Variants in RNF17 observed in about 807,000 individuals in gnomAD.
RNF17 encodes the protein ring finger protein 17.
Under a neutral mutation model 200.5 loss-of-function variants are expected in RNF17, and 31 were observed. The ratio of observed to expected loss-of-function variants is 0.15; its 90% CI spans 0.12 to 0.21. The LOEUF is 0.21. RNF17 is among the 10% of genes least tolerant of loss of function. The pLI, the probability that RNF17 is intolerant of heterozygous loss-of-function variation, is 1.00. For synonymous variants in RNF17, 606 were observed against 637.8 expected, an observed-to-expected ratio of 0.95 and a Z score of 0.75; for missense variants, 1,628 against 1,905.1, an observed-to-expected ratio of 0.85 and a Z score of 2.71.
chr13:24,873,327 A>G (rs887824061), intron 32 of RNF17, among the ~76,000 whole-genome samples: 1 of 152,246 alleles, frequency 6.6e-6, no homozygotes, highest in Non-Finnish European at 1.5e-5. Flanking sequence ...CTTATAAAAT[A>G]TGAACAGAAA....
At chr13:24,845,892 A>G (rs1212597914) in intron 22 of RNF17, among the ~76,000 whole-genome samples, 1 of 152,172 alleles carries the variant, frequency 6.6e-6, no homozygotes, top group East Asian at 1.9e-4. Flanking sequence ...CAATTTGAGC[A>G]AGACAGGCAG....
At chr13:24,881,885 TATAG>T (rs1414091707), downstream of RNF17, among the ~76,000 whole-genome samples, 16 of 133,748 alleles carry the variant, frequency 1.2e-4, no homozygotes, top group African/African-American at 4.1e-4. Flanking sequence ...TATATAGATA[TATAG>T]ATACATCTAT....
At chr13:24,768,452 T>C (rs1185962323) in intron 2 of RNF17, among the ~76,000 whole-genome samples, 1 of 151,938 alleles carries the variant, frequency 6.6e-6, no homozygotes, top group Non-Finnish European at 1.5e-5. Flanking sequence ...GCCCGACTAA[T>C]TTTTTGTATT....
chr13:24,845,751 C>T (rs764417860), intron 22 of RNF17, among the ~76,000 whole-genome samples: 12 of 152,112 alleles, frequency 7.9e-5, no homozygotes, highest in Non-Finnish European at 1.8e-4. Context: ...TATATGAATG[C>T]AAGAAAGAGA....
At position 24,789,761 on chromosome 13, in the gene RNF17, G is replaced by A. The variant is rs1432322995; in HGVS notation, c.924G>A (p.Arg308=). ...MFNNMGKIEF[R]DSTKCYPQEN... ...ACAATATGGGAAAGATTGAATTTAG[G>A]GACTCAACAAAGTAAGTATTTATAA... Residue 308 remains arginine (R), a synonymous_variant, in exon 9 of 36, where the codon AGG becomes AGA. Coordinates refer to ENST00000255324, the MANE Select transcript of RNF17 (RefSeq NM_031277.3). 5.7e-6 allele frequency: 9 copies of A among 1,578,446 alleles called. No individual in the cohort carries two copies. The highest frequency in any genetic ancestry group is 7.8e-6 in the Non-Finnish European group (9 of 1,148,598).
intron 22 of RNF17, among the ~76,000 whole-genome samples, chr13:24,846,704 A>C (rs1055086989): frequency 4.6e-5 from 7 of 152,208 alleles, no homozygotes; most frequent in Non-Finnish European, 7.3e-5. Flanking sequence ...ATGAGCTAAA[A>C]AAAATTGAAA....
At chr13:24,876,761 G>A (rs1894899960) in intron 33 of RNF17, among the ~76,000 whole-genome samples, 1 of 152,092 alleles carries the variant, frequency 6.6e-6, no homozygotes, top group African/African-American at 2.4e-5. Flanking sequence ...CTCCCATTCT[G>A]TAGGTTGCCT....
At chr13:24,872,570 A>G (rs917474094) in intron 32 of RNF17, among the ~76,000 whole-genome samples, 1 of 152,130 alleles carries the variant, frequency 6.6e-6, no homozygotes, top group East Asian at 1.9e-4. Context: ...TGTATCAGGT[A>G]CCGTGTTAGG....
downstream of RNF17, chr13:24,883,455 G>C: frequency 9.2e-7 from 1 of 1,085,306 alleles, no homozygotes; most frequent in Non-Finnish European, 1.3e-6. Context: ...GTAGCCTTTT[G>C]AGTCTGGCAG....
At chr13:24,845,874 A>G (rs1891205848) in intron 22 of RNF17, among the ~76,000 whole-genome samples, 1 of 152,164 alleles carries the variant, frequency 6.6e-6, no homozygotes. Context: ...ATTGCTGGGA[A>G]TAGACTTCAA....
intron 28 of RNF17, among the ~76,000 whole-genome samples, chr13:24,863,763 C>T (rs1380357810): frequency 3.9e-5 from 6 of 152,188 alleles, no homozygotes; most frequent in East Asian, 1.9e-4. Flanking sequence ...ACTGCTTCTT[C>T]GCTTAATTGA....
At chr13:24,881,636 ATAT>A (rs1430840433), downstream of RNF17, among the ~76,000 whole-genome samples, 3 of 151,046 alleles carry the variant, frequency 2.0e-5, no homozygotes, top group Non-Finnish European at 4.4e-5. Context: ...ATCTAGAGAT[ATAT>A]CTAGATAGAT....
At chr13:24,825,392 C>A (rs1888509586) in intron 15 of RNF17, among the ~76,000 whole-genome samples, 2 of 152,106 alleles carry the variant, frequency 1.3e-5, no homozygotes, top group African/African-American at 4.8e-5. Flanking sequence ...AGAATATATA[C>A]ACTAAGTTGT....
chr13:24,748,349 G>A, the RNF17 span, among the ~76,000 whole-genome samples: 1 of 152,220 alleles, frequency 6.6e-6, no homozygotes, highest in Non-Finnish European at 1.5e-5. Flanking sequence ...GCGGCTCATA[G>A]CCCAGATAGC....
intron 6 of RNF17, among the ~76,000 whole-genome samples, chr13:24,784,419 G>C (rs972572997): frequency 6.6e-6 from 1 of 152,160 alleles, no homozygotes; most frequent in Non-Finnish European, 1.5e-5. Flanking sequence ...AGGAGGATTG[G>C]TGTTGATTAT....
intron 6 of RNF17, among the ~76,000 whole-genome samples, chr13:24,782,378 T>G (rs955276475): frequency 2.0e-5 from 3 of 152,070 alleles, no homozygotes; most frequent in Non-Finnish European, 4.4e-5. Flanking sequence ...TGTTTTGTTT[T>G]CCGAGACAAG....
chr13:24,773,704 A>G (rs1283593533), intron 2 of RNF17, among the ~76,000 whole-genome samples: 1 of 152,214 alleles, frequency 6.6e-6, no homozygotes, highest in African/African-American at 2.4e-5. Flanking sequence ...AATTTTAAAG[A>G]AAAAGATAAT....
chr13:24,786,705 G>A (rs909383867), intron 6 of RNF17, among the ~76,000 whole-genome samples: 2 of 151,826 alleles, frequency 1.3e-5, no homozygotes, highest in Non-Finnish European at 2.9e-5. Context: ...CATTGTCTTC[G>A]GGCCTCCAAG....
At chr13:24,873,698 C>A (rs1005534747) in intron 32 of RNF17, among the ~76,000 whole-genome samples, 7 of 151,992 alleles carry the variant, frequency 4.6e-5, no homozygotes, top group Admixed American at 3.3e-4. Context: ...TTCATCCCCC[C>A]ACCCCAAACA....
Sources: allele counts gnomAD v4.1 joint callset (sites outside exome capture counted in the v4.1 genomes callset), GRCh38; gene constraint gnomAD v4.1.1; transcripts MANE v1.5; gene names NCBI Gene and HGNC (gene_info 2026-07-23, HGNC 2026-07-21).